NELL1: variants seen among roughly 807,000 people sequenced by gnomAD.
The protein encoded by NELL1 is neural EGFL like 1, also known as protein kinase C-binding protein NELL1.
Under a neutral mutation model 107.4 loss-of-function variants are expected in NELL1, and 76 were observed. That is an observed-to-expected ratio of 0.71 (90% CI 0.59 to 0.86). The LOEUF is 0.86. Among genes scored for constraint, NELL1 ranks in the 40% least tolerant of loss-of-function variants. The probability of loss-of-function intolerance (pLI) is 0.00; values close to 1 mark genes in which losing one functional copy is unlikely to be tolerated. For missense variants in NELL1, 1,024 were observed against 1,005.5 expected (o/e 1.02, Z -0.25); for synonymous variants, 353 against 341.2 (o/e 1.03, Z -0.38).
intron 3 of NELL1, among the ~76,000 whole-genome samples, chr11:20,835,673 A>T (rs905402728): frequency 6.6e-6 from 1 of 152,226 alleles, no homozygotes; most frequent in Non-Finnish European, 1.5e-5. Flanking sequence ...AAACCTTTGG[A>T]AAAAACGTTC....
At chr11:21,154,489 T>A (rs562949503) in intron 13 of NELL1, among the ~76,000 whole-genome samples, 1 of 152,322 alleles carries the variant, frequency 6.6e-6, no homozygotes, top group East Asian at 1.9e-4. Context: ...TTATGCTAAG[T>A]TATGAGACTC....
intron 15 of NELL1, among the ~76,000 whole-genome samples, chr11:21,409,270 T>C (rs1231873931): frequency 1.3e-5 from 2 of 152,130 alleles, no homozygotes; most frequent in Non-Finnish European, 2.9e-5. Context: ...GATGAGTTCA[T>C]GTCCTTTGTA....
intron 15 of NELL1, among the ~76,000 whole-genome samples, chr11:21,442,942 C>CTTTTTTTTTT (rs66501874): frequency 3.8e-4 from 22 of 57,562 alleles, no homozygotes; most frequent in South Asian, 9.1e-4. Flanking sequence ...GCTATCTTTC[C>CTTTTTTTTTT]TTTTTTTTTT....
chr11:20,955,047 T>A (rs1851142844), intron 11 of NELL1, among the ~76,000 whole-genome samples: 1 of 152,170 alleles, frequency 6.6e-6, no homozygotes. Flanking sequence ...AATGTGACCA[T>A]TTAATCTAAT....
rs533424818 is a variant in NELL1, at chr11:21,055,196, G to A, written c.1301-58393G>A. 3.9e-5 allele frequency among the ~76,000 whole-genome samples: 6 copies of A among 151,988 alleles called. No homozygotes were observed. The East Asian group carries it at 9.6e-4, about 24-fold the overall frequency. Reference sequence around the variant, plus strand: ...GAAAAAATTATGTATACCTAAGTCAGCATTTTAGTTTTTGTAGCATTATGC... The same window carrying A: ...GAAAAAATTATGTATACCTAAGTCAACATTTTAGTTTTTGTAGCATTATGC... On this transcript the variant is annotated intron_variant, in intron 12 of 19. Coordinates refer to ENST00000357134, the MANE Select transcript of NELL1 (RefSeq NM_006157.5).
At chr11:21,545,618 A>T (rs1284238001) in intron 16 of NELL1, among the ~76,000 whole-genome samples, 1 of 151,896 alleles carries the variant, frequency 6.6e-6, no homozygotes, top group African/African-American at 2.4e-5. Flanking sequence ...TCTGAACAAG[A>T]CCTTGAAGTT....
At chr11:21,074,196 C>T (rs2134383835) in intron 12 of NELL1, among the ~76,000 whole-genome samples, 1 of 152,206 alleles carries the variant, frequency 6.6e-6, no homozygotes, top group African/African-American at 2.4e-5. Flanking sequence ...ATTAAAAATA[C>T]ATAATCTGAG....
intron 2 of NELL1, among the ~76,000 whole-genome samples, chr11:20,680,841 C>G (rs552651501): frequency 1.2e-3 from 185 of 152,196 alleles, no homozygotes; most frequent in Admixed American, 3.6e-3. Context: ...TCATTGTGTC[C>G]TCTCTCAGTC....
chr11:21,283,822 G>A lies in NELL1; in HGVS notation c.1549+54368G>A, dbSNP rs1333455994. The A allele has an allele frequency of 2.0e-5, 4 of 200,850 alleles. No homozygotes were observed. The Admixed American group carries it at 2.1e-4, about 11-fold the overall frequency. The allele number at this position is 200,850 out of a possible 1,614,324, so 12.4% of individuals were successfully genotyped here. A position where few individuals can be genotyped will look rare whatever the true frequency, so the allele number is the denominator to read the frequency against. On this transcript the variant is annotated intron_variant, in intron 14 of 19. Coordinates refer to ENST00000357134, the MANE Select transcript of NELL1 (RefSeq NM_006157.5). The stretch of plus-strand genomic sequence containing the variant: ...TGACAGTAGCCAGTGGCTCTGTGAA[G>A]GCAATTTTCCAACCTACCATTCTTG...
At chr11:21,355,446 A>G (rs1850911084) in intron 14 of NELL1, among the ~76,000 whole-genome samples, 1 of 152,200 alleles carries the variant, frequency 6.6e-6, no homozygotes, top group Admixed American at 6.5e-5. Context: ...AGTATGATAC[A>G]GGTTCCCTTA....
At chr11:20,936,596 C>T (rs900448053) in intron 9 of NELL1, among the ~76,000 whole-genome samples, 2 of 152,194 alleles carry the variant, frequency 1.3e-5, no homozygotes, top group Non-Finnish European at 2.9e-5. Flanking sequence ...TCTGCAAACA[C>T]AGCACTTGCC....
In NELL1 at chr11:21,564,813, TGAA is replaced by T. The variant is rs755324866; in HGVS notation, c.1980+4437_1980+4439del. Among the ~76,000 whole-genome samples the T allele has an allele frequency of 3.2e-4, 49 of 152,010 alleles. No individual in the cohort carries two copies. The Middle Eastern group carries it at 0.01, about 32-fold the overall frequency. On this transcript the variant is annotated intron_variant, in intron 17 of 19. Coordinates refer to ENST00000357134, the MANE Select transcript of NELL1 (RefSeq NM_006157.5). ...ATTACCGTGGAAAGGAAAGTCAAAG[TGAA>T]GAAGACCTTTTTCATGAGATTGTCT...
intron 2 of NELL1, among the ~76,000 whole-genome samples, chr11:20,727,247 C>T (rs1211147285): frequency 1.3e-5 from 2 of 152,212 alleles, no homozygotes; most frequent in Non-Finnish European, 2.9e-5. Flanking sequence ...TCCACATCCT[C>T]TCCAGCACCT....
chr11:21,328,411 C>T (rs1256480742), intron 14 of NELL1, among the ~76,000 whole-genome samples: 3 of 152,176 alleles, frequency 2.0e-5, no homozygotes, highest in Admixed American at 1.3e-4. Flanking sequence ...GCCTAGATTT[C>T]AGAGGATGTA....
At chr11:20,734,915 G>A (rs150716013) in intron 2 of NELL1, among the ~76,000 whole-genome samples, 87 of 152,222 alleles carry the variant, frequency 5.7e-4, no homozygotes, top group African/African-American at 2.0e-3. Flanking sequence ...CTTCTCCCTA[G>A]AATTACTGAA....
intron 5 of NELL1, among the ~76,000 whole-genome samples, chr11:20,913,248 C>G (rs1375651903): frequency 6.6e-5 from 10 of 152,024 alleles, no homozygotes; most frequent in Non-Finnish European, 8.8e-5. Context: ...CCCCTTTTTC[C>G]TCTCTCTTTC....
chr11:21,442,942 C>CTTTTTTTTTTTTTTTTATTTTTTTTTTTT (rs1853324656), intron 15 of NELL1, among the ~76,000 whole-genome samples: 1 of 57,564 alleles, frequency 1.7e-5, no homozygotes, highest in Non-Finnish European at 3.3e-5. Flanking sequence ...GCTATCTTTC[C>CTTTTTTTTTTTTTTTTATTTTTTTTTTTT]TTTTTTTTTT....
intron 12 of NELL1, among the ~76,000 whole-genome samples, chr11:21,033,769 G>T (rs1853020761): frequency 6.6e-6 from 1 of 152,096 alleles, no homozygotes; most frequent in Admixed American, 6.5e-5. Context: ...TAATAGAATT[G>T]CTGGGTCGAA....
intron 5 of NELL1, among the ~76,000 whole-genome samples, chr11:20,900,575 C>T (rs1404160204): frequency 2.6e-5 from 4 of 151,974 alleles, no homozygotes; most frequent in Admixed American, 2.0e-4. Context: ...TAAACTCTTC[C>T]AGAGAGGAGA....
Sources: allele counts gnomAD v4.1 joint callset (sites outside exome capture counted in the v4.1 genomes callset), GRCh38; gene constraint gnomAD v4.1.1; transcripts MANE v1.5; gene names NCBI Gene and HGNC (gene_info 2026-07-23, HGNC 2026-07-21).